Variants in MAP2K5 observed in about 807,000 individuals in gnomAD.
The protein encoded by MAP2K5 is dual specificity mitogen-activated protein kinase kinase 5.
Under a neutral mutation model 83.1 loss-of-function variants are expected in MAP2K5, and 49 were observed. That is an observed-to-expected ratio of 0.59 (90% CI 0.47 to 0.75). MAP2K5 has a LOEUF of 0.75. Among genes scored for constraint, MAP2K5 ranks in the 30% least tolerant of loss-of-function variants. The pLI, the probability that MAP2K5 is intolerant of heterozygous loss-of-function variation, is 0.00. For synonymous variants in MAP2K5, 202 were observed against 191.8 expected, an observed-to-expected ratio of 1.05 and a Z score of -0.44; for missense variants, 457 against 557.5, an observed-to-expected ratio of 0.82 and a Z score of 1.82.
intron 8 of MAP2K5, among the ~76,000 whole-genome samples, chr15:67,606,015 T>G (rs1269746105): frequency 6.6e-6 from 1 of 152,216 alleles, no homozygotes; most frequent in African/African-American, 2.4e-5. Flanking sequence ...AGTTACTGTC[T>G]CTTTTTCTTG....
intron 3 of MAP2K5, among the ~76,000 whole-genome samples, chr15:67,575,919 T>TCTTTCTTTCTTTCTTTCTTTCTTTCTTTC (rs56283748): frequency 1.4e-5 from 1 of 74,014 alleles, no homozygotes; most frequent in African/African-American, 6.5e-5. Flanking sequence ...TTTCTTTCTT[T>TCTTTCTTTCTTTCTTTCTTTCTTTCTTTC]TTTTTTTTTT....
At chr15:67,700,570 C>T (rs1192326627) in intron 15 of MAP2K5, among the ~76,000 whole-genome samples, 1 of 152,134 alleles carries the variant, frequency 6.6e-6, no homozygotes, top group South Asian at 2.1e-4. Flanking sequence ...GGGCAGGCCA[C>T]CTTGGCTTCA....
chr15:67,574,374 C>A (rs944817780), intron 3 of MAP2K5, among the ~76,000 whole-genome samples: 1 of 150,880 alleles, frequency 6.6e-6, no homozygotes, highest in Non-Finnish European at 1.5e-5. Flanking sequence ...GAGTTTGAGA[C>A]CAGCTTGGCC....
intron 3 of MAP2K5, among the ~76,000 whole-genome samples, chr15:67,574,225 C>T (rs2085007382): frequency 6.6e-6 from 1 of 152,122 alleles, no homozygotes; most frequent in Non-Finnish European, 1.5e-5. Flanking sequence ...ATGGTGGTCA[C>T]TGGACTGGTG....
intron 21 of MAP2K5, among the ~76,000 whole-genome samples, chr15:67,773,843 G>T (rs2090186993): frequency 6.6e-6 from 1 of 152,180 alleles, no homozygotes; most frequent in Non-Finnish European, 1.5e-5. Flanking sequence ...AATTCTTGCA[G>T]TTAGTCACAT....
At chr15:67,557,969 G>T (rs949987140) in intron 2 of MAP2K5, among the ~76,000 whole-genome samples, 3 of 152,158 alleles carry the variant, frequency 2.0e-5, no homozygotes, top group Admixed American at 2.0e-4. Context: ...ACATGTAAGA[G>T]TTAATTATGC....
intron 8 of MAP2K5, among the ~76,000 whole-genome samples, chr15:67,619,691 C>T (rs1233872072): frequency 1.3e-5 from 2 of 152,102 alleles, no homozygotes; most frequent in East Asian, 1.9e-4. Context: ...CTTTGGGAGG[C>T]CAAGGCAGGA....
At position 67,782,891 on chromosome 15, in the gene MAP2K5, T is replaced by C. The variant is rs1018648819; in HGVS notation, c.1242+10139T>C. 6.6e-6 allele frequency among the ~76,000 whole-genome samples: 1 copy of C among 152,234 alleles called. No individual in the cohort carries two copies. Among genetic ancestry groups the C allele is most frequent in the African/African-American group, 2.4e-5 (1 of 41,452 alleles). On this transcript the variant is annotated intron_variant, in intron 21 of 21. Coordinates refer to ENST00000178640, the MANE Select transcript of MAP2K5 (RefSeq NM_145160.3). This position sits in a 1 kb window ranked among gnomAD's most constrained non-coding sequence, Gnocchi z 4.9. ...GAGCTTCGGCTGGGCGCTGTCTCCT[T>C]CCTGCCTTCAGAAACGGCCCCCTTT...
At chr15:67,678,488 G>T (rs2087734735) in intron 13 of MAP2K5, among the ~76,000 whole-genome samples, 1 of 152,188 alleles carries the variant, frequency 6.6e-6, no homozygotes, top group African/African-American at 2.4e-5. Context: ...ACATGTAAAA[G>T]TTCAGAGCAA....
At chr15:67,692,278 C>G (rs544748603) in intron 13 of MAP2K5, among the ~76,000 whole-genome samples, 3 of 152,226 alleles carry the variant, frequency 2.0e-5, no homozygotes, top group African/African-American at 7.2e-5. Context: ...AACCAGAAAT[C>G]GTTGAACGTG....
rs1257008868 is a variant in MAP2K5 at position 67,768,419 on chromosome 15, T to A, written c.1135-1183T>A. ...TACATGCATGCATTTGACACAGTTG[T>A]GTGCTAGAGAAATTGTTTGGCTCCC... On this transcript the variant is annotated intron_variant, in intron 19 of 21. Transcript: ENST00000178640. This position sits in a 1 kb window ranked among gnomAD's most constrained non-coding sequence, Gnocchi z 4.0. Among the ~76,000 whole-genome samples, 1 of 152,212 alleles carries A rather than the reference T, an allele frequency of 6.6e-6. No homozygotes were observed. Among genetic ancestry groups the A allele is most frequent in the African/African-American group, 2.4e-5 (1 of 41,450 alleles).
At chr15:67,593,247 C>A (rs2085453647) in intron 7 of MAP2K5, among the ~76,000 whole-genome samples, 1 of 152,190 alleles carries the variant, frequency 6.6e-6, no homozygotes, top group African/African-American at 2.4e-5. Flanking sequence ...TGTGTCAACT[C>A]GTGGGCTGTT....
At chr15:67,601,099 T>C (rs1158398254) in intron 8 of MAP2K5, among the ~76,000 whole-genome samples, 6 of 152,184 alleles carry the variant, frequency 3.9e-5, no homozygotes, top group African/African-American at 1.4e-4. Flanking sequence ...GTCCCCTGCC[T>C]GTTTACAGTT....
In MAP2K5 at chr15:67,587,002, C is replaced by G. The variant is rs1164899428; in HGVS notation, c.431+89C>G. 4.6e-6 allele frequency: 6 copies of G among 1,307,104 alleles called. 1 individual carries two copies. In the Middle Eastern group the frequency reaches 7.3e-4, roughly 159 times the overall value. 81.0% of individuals were successfully genotyped at this position (1,307,104 alleles called of 1,614,324 possible). On this transcript the variant is annotated intron_variant, in intron 6 of 21. Coordinates refer to ENST00000178640, the MANE Select transcript of MAP2K5 (RefSeq NM_145160.3). This position sits in a 1 kb window ranked among gnomAD's most constrained non-coding sequence, Gnocchi z 4.8. ...GGAAGAAGCTAGAAAGAAATTTGACCAGTTAGATAACCTAGCTACGTATTG... is the reference window on the plus strand; with the variant it reads ...GGAAGAAGCTAGAAAGAAATTTGACGAGTTAGATAACCTAGCTACGTATTG...
chr15:67,635,732 A>T (rs895509212), intron 9 of MAP2K5, among the ~76,000 whole-genome samples: 4 of 152,046 alleles, frequency 2.6e-5, no homozygotes, highest in Non-Finnish European at 5.9e-5. Flanking sequence ...ATTTTTGCTA[A>T]ATGTAGAATT....
chr15:67,633,174 G>C (rs959454212), intron 9 of MAP2K5, among the ~76,000 whole-genome samples: 1 of 152,120 alleles, frequency 6.6e-6, no homozygotes, highest in Non-Finnish European at 1.5e-5. Flanking sequence ...CCTTGGCATT[G>C]GTTTAACCTT....
At position 67,690,949 on chromosome 15, in the gene MAP2K5, A is replaced by G. The variant is rs1596802116; in HGVS notation, c.848-1530A>G. On this transcript the variant is annotated intron_variant, in intron 13 of 21. Transcript: ENST00000178640. The surrounding 1 kb of genome is among the most constrained non-coding windows in gnomAD (Gnocchi z 4.3). ...AAGTATGCTCCTACCCTGTGAACTT[A>G]TTTATTTCTTGGGGCGATGATACCG... Among the ~76,000 whole-genome samples the G allele has an allele frequency of 6.6e-6, 1 of 152,314 alleles. No individual in the cohort carries two copies. The highest frequency in any genetic ancestry group is 1.9e-4 in the East Asian group (1 of 5,188).
chr15:67,697,409 C>G (rs2088294029), intron 15 of MAP2K5, among the ~76,000 whole-genome samples: 2 of 152,124 alleles, frequency 1.3e-5, no homozygotes, highest in African/African-American at 4.8e-5. Flanking sequence ...GTGACTTACC[C>G]AAGTTCACAA....
chr15:67,731,938 A>G (rs2089232617), intron 17 of MAP2K5, among the ~76,000 whole-genome samples: 1 of 152,162 alleles, frequency 6.6e-6, no homozygotes, highest in Non-Finnish European at 1.5e-5. Flanking sequence ...GATGGTGACA[A>G]GACCATTCCC....
Sources: gnomAD v4.1 joint callset for allele counts (sites outside exome capture counted in the v4.1 genomes callset) on GRCh38, gnomAD v4.1.1 for gene constraint, Gnocchi (gnomAD v3.1) non-coding constraint, MANE v1.5 for transcripts, NCBI Gene and HGNC (gene_info 2026-07-23, HGNC 2026-07-21) for gene names.